TCOF1: variants seen among roughly 807,000 people sequenced by gnomAD.
TCOF1 encodes the protein treacle ribosome biogenesis factor 1.
A neutral mutation model predicts 149.0 loss-of-function variants in TCOF1; 33 were observed. The observed-to-expected ratio is 0.22, with a 90% confidence interval of 0.17 to 0.30. The LOEUF (loss-of-function observed/expected upper bound fraction) is 0.30. Ranked by LOEUF, TCOF1 falls within the 10% of genes least tolerant of loss-of-function variation. TCOF1 has a pLI of 1.00. For synonymous variants in TCOF1, 789 were observed against 738.8 expected (o/e 1.07, Z -1.10); for missense variants, 1,728 against 1,840.7 (o/e 0.94, Z 1.12).
intron 17 of TCOF1, among the ~76,000 whole-genome samples, chr5:150,385,712 A>G (rs1306872289): frequency 6.6e-6 from 1 of 152,158 alleles, no homozygotes; most frequent in Non-Finnish European, 1.5e-5. Flanking sequence ...TGGGGTGAGC[A>G]CTGTCCAGAA....
At chr5:150,363,923 G>A (rs57623039) in intron 2 of TCOF1, among the ~76,000 whole-genome samples, 190 bp from the exon 3 acceptor site, 3 of 152,228 alleles carry the variant, frequency 2.0e-5, no homozygotes, top group East Asian at 3.8e-4. Context: ...ATCAAGAATT[G>A]TAAAAGCACT....
rs1425172471 is a variant in TCOF1 at position 150,370,135 on chromosome 5, T to C, written c.639+533T>C. Among the ~76,000 whole-genome samples the C allele has an allele frequency of 2.0e-5, 3 of 152,174 alleles. No homozygotes were observed. In the East Asian group the frequency reaches 5.8e-4, roughly 29 times the overall value. ...CACAGGTTACTTTTTATTGTGTACC[T>C]ACTAAGTGGCAGACCTGGGGAATAT... On this transcript the variant is annotated intron_variant, in intron 6 of 26. Coordinates refer to ENST00000643257, the MANE Select transcript of TCOF1 (RefSeq NM_001371623.1).
At chr5:150,363,403 A>G (rs995585379) in intron 2 of TCOF1, among the ~76,000 whole-genome samples, 5 of 152,164 alleles carry the variant, frequency 3.3e-5, no homozygotes, top group African/African-American at 1.2e-4. Context: ...ATGGGGGTCA[A>G]TGGGCGTGAG....
chr5:150,392,703 A>T lies in TCOF1; in HGVS notation c.3518-2A>T. ...TACCAACAGGATACTGTGCTTCTCC[A>T]GTAGGTCCCACCCCCTCCAGGACAG... On this transcript the variant is annotated splice_acceptor_variant, in intron 21 of 26. Transcript: ENST00000643257. LOFTEE classifies it high-confidence loss of function. 1 of 1,613,952 alleles carries T rather than the reference A, an allele frequency of 6.2e-7. No homozygotes were observed. Among genetic ancestry groups the T allele is most frequent in the Non-Finnish European group, 8.5e-7 (1 of 1,179,966 alleles).
Position 150,376,179 on chromosome 5 carries a change from A to C in TCOF1, c.1991A>C (p.Gln664Pro). The change falls in exon 13 of 27, where the codon CAA becomes CCA. Residue 664 changes from glutamine to proline, a missense_variant. Gln to Pro is a moderately conservative substitution (Grantham distance 76). Transcript: ENST00000643257. ...GTCGCCCCTGTGCGAGTGGGCACCC[A>C]AGCCCCCCGGAAAGCAGGAACTGCG... is the stretch of plus-strand genomic sequence containing the variant. Reference protein sequence around the residue: ...AKVAPVRVGTQAPRKAGTATS... With the variant: ...AKVAPVRVGTPAPRKAGTATS... The C allele has an allele frequency of 6.2e-7, 1 of 1,614,188 alleles. No homozygotes were observed. Among genetic ancestry groups the C allele is most frequent in the Non-Finnish European group, 8.5e-7 (1 of 1,180,012 alleles).
At chr5:150,388,236 A>T (rs1561525022) in intron 18 of TCOF1, 148 bp downstream of exon 18, 3 of 1,084,646 alleles carry the variant, frequency 2.8e-6, no homozygotes, top group Non-Finnish European at 4.0e-6. Context: ...TGCATTAGCC[A>T]TTCTGATTAG....
At chr5:150,397,890 G>A (rs1259771621) in intron 24 of TCOF1, among the ~76,000 whole-genome samples, 3 of 152,170 alleles carry the variant, frequency 2.0e-5, no homozygotes, top group African/African-American at 7.2e-5. Context: ...AGGTGAACTG[G>A]CCCTGCTGGG....
chr5:150,393,744 T>G, intron 23 of TCOF1, 192 bp downstream of exon 23: 1 of 745,096 alleles, frequency 1.3e-6, no homozygotes, highest in Non-Finnish European at 2.2e-6. Flanking sequence ...CCAGGTGCAG[T>G]GGCTCATGCC....
rs575088230 is a variant in TCOF1 at position 150,388,150 on chromosome 5, A to G, written c.3046+62A>G. 1.7e-5 allele frequency: 28 copies of G among 1,605,374 alleles called. No individual in the cohort carries two copies. The Admixed American group carries it at 4.0e-4, about 23-fold the overall frequency. On this transcript the variant is annotated intron_variant, in intron 18 of 26. Transcript: ENST00000643257. Reference sequence around the variant, plus strand: ...CCAGCACTGCCCCACATTGAGGCCCAGAAGGGACAGGACACTGGCTGAGTC... The same window carrying G: ...CCAGCACTGCCCCACATTGAGGCCCGGAAGGGACAGGACACTGGCTGAGTC...
chr5:150,361,321 T>A, intron 2 of TCOF1, 110 bp downstream of exon 2: 1 of 1,297,714 alleles, frequency 7.7e-7, no homozygotes, highest in Non-Finnish European at 1.1e-6. Flanking sequence ...TAGCCCACTG[T>A]GGACACCATT....
chr5:150,396,251 A>C, intron 23 of TCOF1, 31 bp from the exon 24 acceptor site: 1 of 1,613,236 alleles, frequency 6.2e-7, no homozygotes, highest in Non-Finnish European at 8.5e-7. Flanking sequence ...CAACTCTCCC[A>C]GATCTGTGAC....
At position 150,388,757 on chromosome 5, in the gene TCOF1, G is replaced by A. The variant is rs144751027; in HGVS notation, c.3046+669G>A. 5.8e-4 allele frequency among the ~76,000 whole-genome samples: 89 copies of A among 152,250 alleles called. 1 individual carries two copies. The highest frequency in any genetic ancestry group is 2.0e-3 in the African/African-American group (84 of 41,524). On this transcript the variant is annotated intron_variant, in intron 18 of 26. Transcript: ENST00000643257. ...GTTCAAGACCAGCCTGGGTAACATG[G>A]CGAAACCCCGTCTCTACTAAAAATA...
chr5:150,396,771 G>C lies in TCOF1; in HGVS notation c.4274G>C (p.Gly1425Ala). The C allele has an allele frequency of 6.2e-7, 1 of 1,611,948 alleles. No individual in the cohort carries two copies. The highest frequency in any genetic ancestry group is 1.7e-5 in the Admixed American group (1 of 59,770). The change falls in exon 24 of 27, where the codon GGG becomes GCG. Residue 1425 changes from glycine (G) to alanine (A), a missense_variant. Physicochemically the swap from Gly to Ala is moderately conservative, Grantham distance 60. Transcript: ENST00000643257. ...GAGCCAGAAGAGGAGCTTCAGAAGG[G>C]GATGGGGACGGTTGAAGGTGGAGAT... ...KDEPEEELQK[G>A]MGTVEGGDQS...
At chr5:150,375,950 C>T (rs1763690094) in intron 12 of TCOF1, 41 bp downstream of exon 12, 8 of 1,613,992 alleles carry the variant, frequency 5.0e-6, no homozygotes, top group Middle Eastern at 3.3e-4. Context: ...GCCTGATCTG[C>T]CACACCACAG....
At chr5:150,358,928 T>C (rs1191057937) in intron 1 of TCOF1, among the ~76,000 whole-genome samples, 1 of 151,516 alleles carries the variant, frequency 6.6e-6, no homozygotes, top group South Asian at 2.1e-4. Flanking sequence ...GTGTACACAC[T>C]GGCCTGGAGA....
At chr5:150,374,504 C>T (rs1763263559) in intron 8 of TCOF1, 113 bp from the exon 9 acceptor site, 2 of 1,566,724 alleles carry the variant, frequency 1.3e-6, no homozygotes, top group Non-Finnish European at 1.7e-6. Context: ...CAGCCCCTTA[C>T]TCCCCTCTCA....
intron 2 of TCOF1, among the ~76,000 whole-genome samples, chr5:150,361,481 C>T (rs923884582): frequency 6.6e-6 from 1 of 152,204 alleles, no homozygotes; most frequent in African/African-American, 2.4e-5. Flanking sequence ...TATTGAGCAC[C>T]TCCTGAAAGC....
At position 150,375,143 on chromosome 5, in the gene TCOF1, G is replaced by C. The variant is rs970533234; in HGVS notation, c.1468G>C (p.Ala490Pro). Residue 490 changes from alanine to proline, a missense_variant, in exon 10 of 27, where the codon GCA becomes CCA. Physicochemically the swap from Ala to Pro is conservative, Grantham distance 27. Coordinates refer to ENST00000643257, the MANE Select transcript of TCOF1 (RefSeq NM_001371623.1). ...GTCAGACAGTGACAGAGAGGCACTG[G>C]CAGCCATGAATGCAGCTCAGGTGAG... ...EESDSDREAL[A>P]AMNAAQVKPL... 1 of 1,613,588 alleles carries C rather than the reference G, an allele frequency of 6.2e-7. No individual in the cohort carries two copies.
intron 4 of TCOF1, chr5:150,368,363 C>A: frequency 2.8e-6 from 1 of 362,006 alleles, no homozygotes; most frequent in Non-Finnish European, 5.1e-6. Context: ...ATCCAGAAAG[C>A]AGAGTTAGAT....
Sources: gnomAD v4.1 joint callset for allele counts (sites outside exome capture counted in the v4.1 genomes callset) on GRCh38, gnomAD v4.1.1 for gene constraint, MANE v1.5 for transcripts, NCBI Gene and HGNC (gene_info 2026-07-23, HGNC 2026-07-21) for gene names.